The following CDC20B variants were observed in gnomAD, a reference collection of about 807,000 sequenced individuals.
The protein encoded by CDC20B is cell division cycle protein 20 homolog B.
In CDC20B, 58 loss-of-function variants were observed where a neutral mutation model predicts 64.1. The observed-to-expected ratio is 0.90, with a 90% confidence interval of 0.73 to 1.13. The LOEUF is 1.13. Among genes scored for constraint, CDC20B ranks in the 50% most tolerant of loss-of-function variants. The pLI, the probability that CDC20B is intolerant of heterozygous loss-of-function variation, is 0.00. For synonymous variants in CDC20B, 243 were observed against 230.6 expected (o/e 1.05, Z -0.49); for missense variants, 597 against 633.0 (o/e 0.94, Z 0.61).
intron 8 of CDC20B, among the ~76,000 whole-genome samples, chr5:55,126,707 A>C (rs1421373246): frequency 1.3e-5 from 2 of 152,170 alleles, no homozygotes; most frequent in Non-Finnish European, 2.9e-5. Context: ...AGAAATGCCA[A>C]TTATCAGCCC....
intron 11 of CDC20B, among the ~76,000 whole-genome samples, chr5:55,118,151 G>A (rs1398642050): frequency 6.6e-6 from 1 of 151,948 alleles, no homozygotes; most frequent in African/African-American, 2.4e-5. Context: ...AAGAAAAGAA[G>A]AAGAAAAAAC....
At chr5:55,160,249 T>G (rs1234831653) in intron 2 of CDC20B, 1 of 1,614,110 alleles carries the variant, frequency 6.2e-7, no homozygotes, top group South Asian at 1.1e-5. Flanking sequence ...CAAAGGTATT[T>G]GCAGTTTTGC....
At chr5:55,162,257 G>A (rs1006626850) in intron 2 of CDC20B, among the ~76,000 whole-genome samples, 6 of 152,136 alleles carry the variant, frequency 3.9e-5, no homozygotes, top group Admixed American at 2.0e-4. Context: ...TTAGCCAGGT[G>A]TGGTGGTGGG....
intron 3 of CDC20B, 115 bp from the exon 4 acceptor site, chr5:55,143,758 T>C (rs1235616971): frequency 2.0e-5 from 20 of 1,017,162 alleles, no homozygotes; most frequent in Non-Finnish European, 2.8e-5. Context: ...GCCCAGGCTC[T>C]CGTCACTCCA....
At chr5:55,151,355 A>G (rs781338578) in intron 2 of CDC20B, among the ~76,000 whole-genome samples, 33 of 152,214 alleles carry the variant, frequency 2.2e-4, no homozygotes, top group Admixed American at 5.9e-4. Flanking sequence ...TACATTTGCA[A>G]CGGCTCCACT....
chr5:55,125,907 A>T (rs1236392279), intron 8 of CDC20B, among the ~76,000 whole-genome samples: 1 of 152,228 alleles, frequency 6.6e-6, no homozygotes, highest in East Asian at 1.9e-4. Flanking sequence ...TTGAAAAAAC[A>T]AAATTGAGGA....
At chr5:55,126,538 A>G (rs1356448942) in intron 8 of CDC20B, 1 of 204,768 alleles carries the variant, frequency 4.9e-6, no homozygotes, top group East Asian at 1.8e-4. Flanking sequence ...TAAGAACTAC[A>G]ATATGAAAAT....
chr5:55,164,034 A>T (rs1162140782), intron 2 of CDC20B: 14 of 1,512,680 alleles, frequency 9.3e-6, no homozygotes, highest in Non-Finnish European at 1.3e-5. Flanking sequence ...TGCTCATGAA[A>T]ATATGTTCTG....
At chr5:55,125,466 A>C (rs138926486) in intron 8 of CDC20B, among the ~76,000 whole-genome samples, 1 of 152,366 alleles carries the variant, frequency 6.6e-6, no homozygotes, top group African/African-American at 2.4e-5. Context: ...AGAAAAAGGA[A>C]ATAAATATCT....
chr5:55,153,109 T>C (rs555027641), intron 2 of CDC20B, among the ~76,000 whole-genome samples: 1 of 151,682 alleles, frequency 6.6e-6, no homozygotes, highest in South Asian at 2.1e-4. Context: ...CACGGTGGTG[T>C]GTGCCTATAG....
intron 2 of CDC20B, among the ~76,000 whole-genome samples, chr5:55,150,437 C>T (rs185294302): frequency 1.0e-3 from 158 of 152,312 alleles, no homozygotes; most frequent in African/African-American, 3.5e-3. Flanking sequence ...GCCTGCAGCC[C>T]CCAGGGGGCG....
chr5:55,159,553 G>C (rs1275484068), intron 2 of CDC20B, among the ~76,000 whole-genome samples: 11 of 152,294 alleles, frequency 7.2e-5, no homozygotes. Context: ...CTATGATAGA[G>C]AAGGGTTTCT....
At chr5:55,129,466 G>GGTC in intron 6 of CDC20B, among the ~76,000 whole-genome samples, 1 of 152,072 alleles carries the variant, frequency 6.6e-6, no homozygotes, top group Non-Finnish European at 1.5e-5. Context: ...CGAAGACTCT[G>GGTC]ACAAAAAGGC....
Position 55,124,971 on chromosome 5 carries a change from A to G in CDC20B, c.1047T>C (p.Val349=). ...HHDVRVAQHH[V]GTLRHKQAVC... is the part of the protein sequence containing the mutation. ...CAGCTTGCTTGTGGCGAAGTGTTCC[A>G]ACATGATGCTGGGCTACCCGAACAT... The change falls in exon 9 of 12, where the codon GTT becomes GTC. Residue 349 remains valine, a synonymous_variant. Coordinates refer to ENST00000381375, the MANE Select transcript of CDC20B (RefSeq NM_001170402.1). The G allele has an allele frequency of 6.2e-7, 1 of 1,614,070 alleles. No individual in the cohort carries two copies. The highest frequency in any genetic ancestry group is 8.5e-7 in the Non-Finnish European group (1 of 1,179,980).
intron 5 of CDC20B, chr5:55,137,669 G>C (rs1204377082): frequency 2.2e-6 from 1 of 456,718 alleles, no homozygotes; most frequent in African/African-American, 2.0e-5. Flanking sequence ...GGTAAGTCAA[G>C]TCAAGTTGGA....
At chr5:55,116,931 A>G (rs1742638094) in intron 11 of CDC20B, among the ~76,000 whole-genome samples, 1 of 152,192 alleles carries the variant, frequency 6.6e-6, no homozygotes, top group Admixed American at 6.5e-5. Context: ...ATCAGTGACA[A>G]TCTTAATTTA....
At chr5:55,121,061 C>T (rs1164767947) in intron 9 of CDC20B, among the ~76,000 whole-genome samples, 1 of 152,024 alleles carries the variant, frequency 6.6e-6, no homozygotes, top group Non-Finnish European at 1.5e-5. Context: ...AATAAAATTG[C>T]CTTCTATTTA....
intron 1 of CDC20B, 128 bp downstream of exon 1, chr5:55,172,810 C>T: frequency 1.4e-6 from 1 of 707,914 alleles, no homozygotes; most frequent in Non-Finnish European, 2.1e-6. Flanking sequence ...AACTAAATTA[C>T]ATCACTCAAA....
At chr5:55,143,427 A>G in intron 4 of CDC20B, 86 bp downstream of exon 4, 1 of 1,362,034 alleles carries the variant, frequency 7.3e-7, no homozygotes, top group Non-Finnish European at 9.8e-7. Flanking sequence ...TGGTAAGAGA[A>G]CTAAGCAACT....
Sources: allele counts gnomAD v4.1 joint callset (sites outside exome capture counted in the v4.1 genomes callset), GRCh38; gene constraint gnomAD v4.1.1; transcripts MANE v1.5; gene names NCBI Gene and HGNC (gene_info 2026-07-23, HGNC 2026-07-21).